Variants in PLCH1 observed in about 807,000 individuals in gnomAD.
PLCH1 encodes 1-phosphatidylinositol 4,5-bisphosphate phosphodiesterase eta-1.
In PLCH1, 60 loss-of-function variants were observed where a neutral mutation model predicts 126.7. The ratio of observed to expected loss-of-function variants is 0.47; its 90% CI spans 0.38 to 0.59. The LOEUF is 0.59. PLCH1 is among the 20% of genes least tolerant of loss of function. The pLI, the probability that PLCH1 is intolerant of heterozygous loss-of-function variation, is 0.00. For missense variants in PLCH1, 1,723 were observed against 2,040.0 expected (o/e 0.84, Z 2.99); for synonymous variants, 719 against 734.9 (o/e 0.98, Z 0.35).
At chr3:155,691,895 C>T (rs6805217) in intron 2 of PLCH1, among the ~76,000 whole-genome samples, 4,182 of 152,110 alleles carry the variant, frequency 0.027, 213 homozygotes, top group African/African-American at 0.096. Context: ...TTCTACTTAT[C>T]ATCAGAAGAC....
chr3:155,474,625 C>T (rs1713439978), intron 21 of PLCH1, among the ~76,000 whole-genome samples: 1 of 122,082 alleles, frequency 8.2e-6, no homozygotes, highest in Non-Finnish European at 1.6e-5. Context: ...GACACATGCA[C>T]ACGTATGTTT....
chr3:155,460,598 A>C (rs1712674214), intron 21 of PLCH1, among the ~76,000 whole-genome samples: 1 of 152,146 alleles, frequency 6.6e-6, no homozygotes, highest in Non-Finnish European at 1.5e-5. Flanking sequence ...CTCCAGGCCA[A>C]GATAGTTAAT....
intron 10 of PLCH1, among the ~76,000 whole-genome samples, chr3:155,529,205 G>C (rs1419688771): frequency 6.6e-6 from 1 of 152,080 alleles, no homozygotes; most frequent in Non-Finnish European, 1.5e-5. Context: ...ATTTGTCTAT[G>C]GTATATGGAA....
chr3:155,634,868 T>C (rs1265700437), intron 2 of PLCH1, among the ~76,000 whole-genome samples: 1 of 152,188 alleles, frequency 6.6e-6, no homozygotes, highest in African/African-American at 2.4e-5. Context: ...GTGATTCCTA[T>C]ACTATTCTTT....
intron 2 of PLCH1, among the ~76,000 whole-genome samples, chr3:155,625,727 CAACAG>C (rs1226445617): frequency 6.6e-6 from 1 of 152,136 alleles, no homozygotes; most frequent in Non-Finnish European, 1.5e-5. Flanking sequence ...GATCAGGAAA[CAACAG>C]ATGCTGGAGA....
chr3:155,497,786 T>G (rs1407298218), intron 14 of PLCH1, among the ~76,000 whole-genome samples: 1 of 152,078 alleles, frequency 6.6e-6, no homozygotes, highest in African/African-American at 2.4e-5. Context: ...GCATTCTTGG[T>G]TCACTGCAAC....
chr3:155,695,663 T>C (rs1236029204), intron 2 of PLCH1, among the ~76,000 whole-genome samples: 2 of 152,224 alleles, frequency 1.3e-5, no homozygotes, highest in African/African-American at 4.8e-5. Flanking sequence ...AAAGTAGTAA[T>C]CACACAATTA....
chr3:155,471,375 A>G (rs916958947), intron 21 of PLCH1, among the ~76,000 whole-genome samples: 3 of 152,022 alleles, frequency 2.0e-5, no homozygotes, highest in African/African-American at 7.3e-5. Context: ...AAGAAGAGCT[A>G]ACTATCCTAA....
chr3:155,472,545 A>G (rs1353991506), intron 21 of PLCH1, among the ~76,000 whole-genome samples: 1 of 151,824 alleles, frequency 6.6e-6, no homozygotes, highest in Non-Finnish European at 1.5e-5. Flanking sequence ...TCCAATCAAT[A>G]GAAAAAGAGG....
intron 2 of PLCH1, among the ~76,000 whole-genome samples, chr3:155,665,672 G>A (rs909448381): frequency 4.6e-5 from 7 of 152,080 alleles, no homozygotes; most frequent in African/African-American, 9.7e-5. Context: ...GATCAGCCCC[G>A]GCCTCACCAG....
intron 19 of PLCH1, 119 bp downstream of exon 19, chr3:155,490,665 C>A: frequency 1.7e-6 from 1 of 602,970 alleles, no homozygotes; most frequent in Admixed American, 3.0e-5. Flanking sequence ...TTAACATAAA[C>A]TCAGATGGGA....
chr3:155,686,567 G>T (rs1454384994), intron 2 of PLCH1, among the ~76,000 whole-genome samples: 1 of 152,118 alleles, frequency 6.6e-6, no homozygotes, highest in Admixed American at 6.5e-5. Context: ...ATTGCTCAGG[G>T]ACTCAGTTGT....
intron 1 of PLCH1, among the ~76,000 whole-genome samples, chr3:155,719,193 A>T (rs1170449445): frequency 6.6e-6 from 1 of 152,126 alleles, no homozygotes; most frequent in Admixed American, 6.6e-5. Flanking sequence ...TGAGTCCCCA[A>T]AGTCCATAGT....
In PLCH1 at chr3:155,645,430, A is replaced by T. The variant is rs115350130; in HGVS notation, c.80-49052T>A. Among the ~76,000 whole-genome samples, 777 of 152,278 alleles carry T rather than the reference A, an allele frequency of 5.1e-3. 7 individuals carry two copies. Among genetic ancestry groups the T allele is most frequent in the African/African-American group, 0.018 (738 of 41,554 alleles). On this transcript the variant is annotated intron_variant, in intron 2 of 22. Coordinates refer to ENST00000460012, the MANE Select transcript of PLCH1 (RefSeq NM_014996.4). Reference sequence around the variant, plus strand: ...TTGTTTTACTCCTAGTATAAGACACATAGTCACAGAAATCACTAGTCATGA... The same window carrying T: ...TTGTTTTACTCCTAGTATAAGACACTTAGTCACAGAAATCACTAGTCATGA...
rs534244674 is a variant in PLCH1 at position 155,663,212 on chromosome 3, G to A, written c.79+40934C>T. 2.0e-5 allele frequency among the ~76,000 whole-genome samples: 3 copies of A among 152,208 alleles called. No individual in the cohort carries two copies. The East Asian group carries it at 5.8e-4, about 29-fold the overall frequency. On this transcript the variant is annotated intron_variant, in intron 2 of 22. Transcript: ENST00000460012. The stretch of plus-strand genomic sequence containing the variant: ...TAGTTAAATTCTAGAAAGGTTTTCT[G>A]GCTAAGTTCATATCTTGTGTTTTCT...
chr3:155,678,232 G>T (rs1160540011), intron 2 of PLCH1, among the ~76,000 whole-genome samples: 1 of 152,102 alleles, frequency 6.6e-6, no homozygotes, highest in Non-Finnish European at 1.5e-5. Flanking sequence ...GAAGCCCCAG[G>T]CTCCTCCCTG....
At chr3:155,502,679 C>T (rs1226759502) in intron 13 of PLCH1, among the ~76,000 whole-genome samples, 1 of 152,178 alleles carries the variant, frequency 6.6e-6, no homozygotes, top group African/African-American at 2.4e-5. Flanking sequence ...AGTTTTGACA[C>T]ATCTTTTCAT....
intron 21 of PLCH1, among the ~76,000 whole-genome samples, chr3:155,467,410 C>T (rs982122279): frequency 1.3e-5 from 2 of 152,070 alleles, no homozygotes; most frequent in Admixed American, 6.6e-5. Flanking sequence ...CCCATCTCTA[C>T]TGAAAATACA....
At chr3:155,720,702 C>A (rs936614277) in intron 1 of PLCH1, among the ~76,000 whole-genome samples, 2 of 152,136 alleles carry the variant, frequency 1.3e-5, no homozygotes, top group South Asian at 4.1e-4. Flanking sequence ...ATTTCTTTTG[C>A]TGTGCAGAAG....
Sources: gnomAD v4.1 joint callset for allele counts (sites outside exome capture counted in the v4.1 genomes callset) on GRCh38, gnomAD v4.1.1 for gene constraint, MANE v1.5 for transcripts, NCBI Gene and HGNC (gene_info 2026-07-23, HGNC 2026-07-21) for gene names.